The following GRIK1 variants were observed in gnomAD, a reference collection of about 807,000 sequenced individuals.
GRIK1 encodes the protein glutamate ionotropic receptor kainate type subunit 1, also known as glutamate receptor ionotropic, kainate 1.
A neutral mutation model predicts 105.7 loss-of-function variants in GRIK1; 69 were observed. The observed-to-expected ratio is 0.65, with a 90% confidence interval of 0.54 to 0.80. GRIK1 has a LOEUF of 0.80. Among genes scored for constraint, GRIK1 ranks in the 30% least tolerant of loss-of-function variants. The pLI is 0.00. For missense variants in GRIK1, 1,109 were observed against 1,167.3 expected, an observed-to-expected ratio of 0.95 and a Z score of 0.73; for synonymous variants, 438 against 431.3, an observed-to-expected ratio of 1.02 and a Z score of -0.19.
intron 1 of GRIK1, among the ~76,000 whole-genome samples, chr21:29,865,965 T>C (rs2068788113): frequency 6.6e-6 from 1 of 152,192 alleles, no homozygotes; most frequent in Non-Finnish European, 1.5e-5. Flanking sequence ...GGTACTTGCA[T>C]GCAATGCCCT....
At position 29,642,943 on chromosome 21, in the gene GRIK1, A is replaced by C; in HGVS notation, c.981T>G (p.Ala327=). ...GCGAGGCAATGGCCACCATGTACAC[A>C]GCATCGTACATCAGAGCCGCTTCAG... ...MTTEAALMYD[A]VYMVAIASHR... Residue 327 remains alanine (A), a synonymous_variant, in exon 7 of 18, where the codon GCT becomes GCG. Coordinates refer to ENST00000327783, the MANE Select transcript of GRIK1 (RefSeq NM_001330994.2). The C allele has an allele frequency of 6.2e-7, 1 of 1,613,872 alleles. No homozygotes were observed. The highest frequency in any genetic ancestry group is 8.5e-7 in the Non-Finnish European group (1 of 1,179,704).
At position 29,555,221 on chromosome 21, in the gene GRIK1, C is replaced by CA; in HGVS notation, c.2437dup (p.Trp813LeufsTer53). 1 of 1,613,856 alleles carries CA rather than the reference C, an allele frequency of 6.2e-7. No homozygotes were observed. Among genetic ancestry groups the CA allele is most frequent in the South Asian group, 1.1e-5 (1 of 91,064 alleles). On this transcript the variant is annotated frameshift_variant, in exon 16 of 18. Coordinates refer to ENST00000327783, the MANE Select transcript of GRIK1 (RefSeq NM_001330994.2). LOFTEE classifies it high-confidence loss of function. The stretch of plus-strand genomic sequence containing the variant: ...CTCGGGGCAGCCATTCCCACGCCAC[C>CA]ACTTCTCTTTCATCATATGCAGCTT...
intron 8 of GRIK1, among the ~76,000 whole-genome samples, chr21:29,598,210 A>G (rs1323081042): frequency 2.0e-5 from 3 of 152,246 alleles, no homozygotes; most frequent in African/African-American, 7.2e-5. Flanking sequence ...AATAGTTTAC[A>G]TTGGAATTAC....
intron 4 of GRIK1, among the ~76,000 whole-genome samples, chr21:29,665,784 A>C (rs1353695984): frequency 6.6e-6 from 1 of 152,252 alleles, no homozygotes; most frequent in Non-Finnish European, 1.5e-5. Flanking sequence ...GATGTGAGCA[A>C]CATGGGTGAT....
At position 29,716,058 on chromosome 21, in the gene GRIK1, G is replaced by T. The variant is rs536845373; in HGVS notation, c.119-21995C>A. Among the ~76,000 whole-genome samples the T allele has an allele frequency of 4.6e-5, 7 of 152,126 alleles. No homozygotes were observed. In the East Asian group the frequency reaches 1.4e-3, roughly 30 times the overall value. On this transcript the variant is annotated intron_variant, in intron 1 of 17. Coordinates refer to ENST00000327783, the MANE Select transcript of GRIK1 (RefSeq NM_001330994.2). ...GAATGGGTTCTCATGAGATCTGATG[G>T]TTTTATAAGGGACTCTTCCCCCTTT... is the stretch of plus-strand genomic sequence containing the variant.
intron 3 of GRIK1, among the ~76,000 whole-genome samples, chr21:29,679,055 CA>C (rs2063325417): frequency 6.6e-6 from 1 of 152,228 alleles, no homozygotes; most frequent in Admixed American, 6.5e-5. Context: ...CACTTACTCA[CA>C]GGCTGGTTGA....
intron 1 of GRIK1, among the ~76,000 whole-genome samples, chr21:29,778,370 A>C (rs1327999925): frequency 1.3e-5 from 2 of 152,224 alleles, no homozygotes; most frequent in Admixed American, 6.5e-5. Flanking sequence ...AAGATTTAAT[A>C]TAAGTGGTTT....
chr21:29,657,902 A>G (rs2062885409), intron 4 of GRIK1: 1 of 152,268 alleles, frequency 6.6e-6, no homozygotes, highest in African/African-American at 2.4e-5. Flanking sequence ...TGTCACATCA[A>G]AATAAATGTC....
intron 12 of GRIK1, among the ~76,000 whole-genome samples, chr21:29,585,222 G>A (rs2091104941): frequency 1.3e-5 from 2 of 152,044 alleles, no homozygotes; most frequent in Admixed American, 6.6e-5. Context: ...GGTAGTGGGG[G>A]TACTGTTATC....
intron 1 of GRIK1, among the ~76,000 whole-genome samples, chr21:29,749,842 T>C (rs2065138657): frequency 6.6e-6 from 1 of 152,224 alleles, no homozygotes. Context: ...TTCTTATCTG[T>C]ATAATAAAAC....
chr21:29,572,747 T>C (rs535980312), intron 14 of GRIK1, among the ~76,000 whole-genome samples: 4 of 152,114 alleles, frequency 2.6e-5, no homozygotes, highest in African/African-American at 9.6e-5. Context: ...ATAATATTGG[T>C]ATTTAGCTCA....
At chr21:29,847,465 C>T (rs970653210) in intron 1 of GRIK1, among the ~76,000 whole-genome samples, 10 of 152,036 alleles carry the variant, frequency 6.6e-5, no homozygotes, top group African/African-American at 2.4e-4. Flanking sequence ...CGTGGTAGTG[C>T]GAACCTGTCA....
intron 1 of GRIK1, among the ~76,000 whole-genome samples, chr21:29,743,902 G>A (rs1040910382): frequency 1.3e-5 from 2 of 152,046 alleles, no homozygotes; most frequent in African/African-American, 4.8e-5. Flanking sequence ...AATTCTTGAG[G>A]AATAACACAC....
chr21:29,814,802 C>T (rs1329932363), intron 1 of GRIK1, among the ~76,000 whole-genome samples: 6 of 150,338 alleles, frequency 4.0e-5, no homozygotes, highest in Non-Finnish European at 7.4e-5. Context: ...TGAGTGTGGG[C>T]ATTTTGAGGT....
chr21:29,914,664 A>G (rs2146304293), intron 1 of GRIK1, among the ~76,000 whole-genome samples: 1 of 152,230 alleles, frequency 6.6e-6, no homozygotes, highest in African/African-American at 2.4e-5. Context: ...GTATGCTCAT[A>G]CAACTTGTTT....
At chr21:29,762,106 T>C (rs1182762598) in intron 1 of GRIK1, among the ~76,000 whole-genome samples, 2 of 152,232 alleles carry the variant, frequency 1.3e-5, no homozygotes, top group African/African-American at 4.8e-5. Flanking sequence ...TTTTTCCACA[T>C]GGCAATTTTT....
At chr21:29,809,268 G>A (rs1308502932) in intron 1 of GRIK1, among the ~76,000 whole-genome samples, 1 of 152,150 alleles carries the variant, frequency 6.6e-6, no homozygotes, top group Non-Finnish European at 1.5e-5. Flanking sequence ...CTGCAATAAA[G>A]TGAATATTGC....
chr21:29,775,044 C>A (rs1231918537), intron 1 of GRIK1, among the ~76,000 whole-genome samples: 1 of 152,038 alleles, frequency 6.6e-6, no homozygotes, highest in Non-Finnish European at 1.5e-5. Flanking sequence ...CTCAGCCAGG[C>A]ATGGTAGCTC....
At chr21:29,848,323 C>T (rs1385258233) in intron 1 of GRIK1, among the ~76,000 whole-genome samples, 1 of 152,194 alleles carries the variant, frequency 6.6e-6, no homozygotes. Flanking sequence ...TAATAATGTC[C>T]GTGACTTCCC....
Sources: gnomAD v4.1 joint callset for allele counts (sites outside exome capture counted in the v4.1 genomes callset) on GRCh38, gnomAD v4.1.1 for gene constraint, MANE v1.5 for transcripts, NCBI Gene and HGNC (gene_info 2026-07-23, HGNC 2026-07-21) for gene names.